SLC66A2: variants seen among roughly 807,000 people sequenced by gnomAD.
SLC66A2 encodes solute carrier family 66 member 2.
In SLC66A2, 23 loss-of-function variants were observed where a neutral mutation model predicts 25.5. That is an observed-to-expected ratio of 0.90 (90% CI 0.65 to 1.28). The LOEUF is 1.28. Ranked by LOEUF, SLC66A2 falls within the 50% of genes most tolerant of loss-of-function variation. The probability of loss-of-function intolerance (pLI) is 0.00; values close to 1 mark genes in which losing one functional copy is unlikely to be tolerated. For synonymous variants in SLC66A2, 193 were observed against 166.5 expected (o/e 1.16, Z -1.23); for missense variants, 396 against 373.1 (o/e 1.06, Z -0.51).
chr18:79,936,613 CCA>C (rs1987113979), intron 3 of SLC66A2, among the ~76,000 whole-genome samples: 1 of 152,102 alleles, frequency 6.6e-6, no homozygotes, highest in African/African-American at 2.4e-5. Context: ...TGACTTTGAG[CCA>C]CAGACAATTA....
chr18:79,950,912 G>T lies in SLC66A2; in HGVS notation c.15C>A (p.Gly5=). 1 of 1,573,904 alleles carries T rather than the reference G, an allele frequency of 6.4e-7. No individual in the cohort carries two copies. Among genetic ancestry groups the T allele is most frequent in the South Asian group, 1.1e-5 (1 of 87,282 alleles). MEAE[G]LDWLLVPLHQ... is the part of the protein sequence containing the mutation. ...GCAGTGGCACCAGGAGCCAGTCCAGGCCCTCGGCCTCCATCGCAGCGCCCG... is the reference window on the plus strand; with the variant it reads ...GCAGTGGCACCAGGAGCCAGTCCAGTCCCTCGGCCTCCATCGCAGCGCCCG... Residue 5 remains glycine (G), a synonymous_variant, in exon 2 of 6, where the codon GGC becomes GGA. Transcript: ENST00000397778.
In SLC66A2 at chr18:79,907,709, C is replaced by T. The variant is rs868812066; in HGVS notation, c.609-3526G>A. 2.6e-4 allele frequency among the ~76,000 whole-genome samples: 39 copies of T among 151,946 alleles called. 1 individual carries two copies. Among genetic ancestry groups the T allele is most frequent in the Middle Eastern group, 3.2e-3 (1 of 316 alleles). ...TCCCAAATGGGAGTGATTATGACCC[C>T]ATCCTCACACCCCTGCCCAAGGAAA... On this transcript the variant is annotated intron_variant, in intron 5 of 5. Transcript: ENST00000397778.
In SLC66A2 at chr18:79,904,961, C is replaced by G. The variant is rs1387372090; in HGVS notation, c.609-778G>C. Among the ~76,000 whole-genome samples the G allele has an allele frequency of 4.6e-5, 7 of 152,198 alleles. No homozygotes were observed. Among genetic ancestry groups the G allele is most frequent in the Admixed American group, 1.3e-4 (2 of 15,282 alleles). ...CAGAAAGGACAGGACACAGCCCTCC[C>G]CCACCCTGGGGCGTCCGTCCCGCTC... On this transcript the variant is annotated intron_variant, in intron 5 of 5. Coordinates refer to ENST00000397778, the MANE Select transcript of SLC66A2 (RefSeq NM_025078.5). This position sits in a 1 kb window ranked among gnomAD's most constrained non-coding sequence, Gnocchi z 6.3.
rs1984480507 is a variant in SLC66A2 at position 79,918,285 on chromosome 18, C to G, written c.608+899G>C. ...AGGCTGTTTCCCACAAATAACAAATCCAAGAATAACATTCCCTCCAAATCA... is the reference window on the plus strand; with the variant it reads ...AGGCTGTTTCCCACAAATAACAAATGCAAGAATAACATTCCCTCCAAATCA... On this transcript the variant is annotated intron_variant, in intron 5 of 5. Transcript: ENST00000397778. This position sits in a 1 kb window ranked among gnomAD's most constrained non-coding sequence, Gnocchi z 4.0. Among the ~76,000 whole-genome samples the G allele has an allele frequency of 6.6e-6, 1 of 152,228 alleles. No homozygotes were observed. The highest frequency in any genetic ancestry group is 1.5e-5 in the Non-Finnish European group (1 of 68,038).
chr18:79,908,512 T>C (rs940700316), intron 5 of SLC66A2, among the ~76,000 whole-genome samples: 2 of 152,218 alleles, frequency 1.3e-5, no homozygotes, highest in Non-Finnish European at 2.9e-5. Flanking sequence ...TGTGATGTGA[T>C]ATGTTTGGGA....
rs1162250831 is a variant in SLC66A2, at chr18:79,918,288, AG to A, written c.608+895del. 1.3e-5 allele frequency among the ~76,000 whole-genome samples: 2 copies of A among 152,212 alleles called. No homozygotes were observed. Among genetic ancestry groups the A allele is most frequent in the African/African-American group, 4.8e-5 (2 of 41,450 alleles). On this transcript the variant is annotated intron_variant, in intron 5 of 5. Coordinates refer to ENST00000397778, the MANE Select transcript of SLC66A2 (RefSeq NM_025078.5). This position sits in a 1 kb window ranked among gnomAD's most constrained non-coding sequence, Gnocchi z 4.0. ...CTGTTTCCCACAAATAACAAATCCA[AG>A]AATAACATTCCCTCCAAATCACAGC... is the stretch of plus-strand genomic sequence containing the variant.
chr18:79,914,403 G>T (rs1191081845), intron 5 of SLC66A2, among the ~76,000 whole-genome samples: 1 of 152,216 alleles, frequency 6.6e-6, no homozygotes, highest in Non-Finnish European at 1.5e-5. Flanking sequence ...CCATCAGGCA[G>T]ATCGGAGCAC....
At position 79,927,630 on chromosome 18, in the gene SLC66A2, C is replaced by T. The variant is rs1197414507; in HGVS notation, c.391+6339G>A. ...CCAGAGGACGACGCAGAGAGACCCA[C>T]ATCAGAGACCCTCGGGGAGTGACAG... On this transcript the variant is annotated intron_variant, in intron 4 of 5. Coordinates refer to ENST00000397778, the MANE Select transcript of SLC66A2 (RefSeq NM_025078.5). The surrounding 1 kb of genome is among the most constrained non-coding windows in gnomAD (Gnocchi z 6.2). 6.6e-6 allele frequency among the ~76,000 whole-genome samples: 1 copy of T among 152,130 alleles called. No homozygotes were observed. Among genetic ancestry groups the T allele is most frequent in the East Asian group, 1.9e-4 (1 of 5,180 alleles).
chr18:79,943,284 C>G (rs199886223), intron 3 of SLC66A2, 45 bp downstream of exon 3: 7 of 1,598,604 alleles, frequency 4.4e-6, no homozygotes, highest in African/African-American at 1.3e-5. Context: ...GAGTCACCTA[C>G]GCCCTGATTC....
rs1003412306 is a variant in SLC66A2, at chr18:79,917,734, G to A, written c.608+1450C>T. On this transcript the variant is annotated intron_variant, in intron 5 of 5. Transcript: ENST00000397778. This position sits in a 1 kb window ranked among gnomAD's most constrained non-coding sequence, Gnocchi z 6.0. ...CTGTTCCAGCCATGGACACCCTCTC[G>A]GGCCTCCATGCACCCTCGCCCGAGA... Among the ~76,000 whole-genome samples the A allele has an allele frequency of 5.3e-5, 8 of 151,744 alleles. No individual in the cohort carries two copies. The highest frequency in any genetic ancestry group is 2.6e-4 in the Admixed American group (4 of 15,244).
chr18:79,943,217 T>C (rs998170789), intron 3 of SLC66A2, 112 bp downstream of exon 3: 12 of 1,332,496 alleles, frequency 9.0e-6, no homozygotes, highest in Admixed American at 2.3e-5. Context: ...ACAGCACCAC[T>C]TGGTGAAATG....
rs148798984 is a variant in SLC66A2, at chr18:79,910,473, C to A, written c.609-6290G>T. Among the ~76,000 whole-genome samples the A allele has an allele frequency of 8.4e-4, 127 of 151,726 alleles. 2 individuals are homozygous for A. In the East Asian group the frequency reaches 0.021, roughly 26 times the overall value. The stretch of plus-strand genomic sequence containing the variant: ...ACCATAGAGTCCCCAACCTTCCCCA[C>A]CATCTCACAACAGAGTCCCCAACCT... On this transcript the variant is annotated intron_variant, in intron 5 of 5. Coordinates refer to ENST00000397778, the MANE Select transcript of SLC66A2 (RefSeq NM_025078.5).
At position 79,903,645 on chromosome 18, in the gene SLC66A2, G is replaced by A. The variant is rs1003099308; in HGVS notation, c.*331C>T. 5.7e-6 allele frequency: 2 copies of A among 350,866 alleles called. No individual in the cohort carries two copies. Among genetic ancestry groups the A allele is most frequent in the Non-Finnish European group, 5.2e-6 (1 of 192,882 alleles). 21.7% of individuals were successfully genotyped at this position (350,866 alleles called of 1,614,324 possible). ...TGGCCCGTGTGTCCACCTGGAGCAG[G>A]TTCCTGCAGGCCGCCCAATGTGTAC... is the stretch of plus-strand genomic sequence containing the variant. On this transcript the variant is annotated 3_prime_UTR_variant, in exon 6 of 6. Coordinates refer to ENST00000397778, the MANE Select transcript of SLC66A2 (RefSeq NM_025078.5).
At chr18:79,936,389 T>C (rs73971309) in intron 3 of SLC66A2, among the ~76,000 whole-genome samples, 22,470 of 152,214 alleles carry the variant, frequency 0.15, 1,788 homozygotes, top group South Asian at 0.22. Flanking sequence ...TCCAGCTTTC[T>C]TGAATTATAA....
intron 2 of SLC66A2, among the ~76,000 whole-genome samples, chr18:79,950,490 C>T (rs1219868643): frequency 6.6e-6 from 1 of 152,216 alleles, no homozygotes; most frequent in Non-Finnish European, 1.5e-5. Flanking sequence ...TGCAAGGAGG[C>T]GGATCTGGAG....
At chr18:79,909,541 A>G (rs545792193) in intron 5 of SLC66A2, among the ~76,000 whole-genome samples, 22 of 44,068 alleles carry the variant, frequency 5.0e-4, no homozygotes, top group African/African-American at 7.8e-4. Flanking sequence ...AGAGTCCCCA[A>G]CCTTCCCCAC....
At position 79,941,700 on chromosome 18, in the gene SLC66A2, AAC is replaced by A. The variant is rs1427080332; in HGVS notation, c.337+1627_337+1628del. 2.0e-5 allele frequency: 3 copies of A among 152,232 alleles called. No individual in the cohort carries two copies. Among genetic ancestry groups the A allele is most frequent in the Non-Finnish European group, 4.4e-5 (3 of 68,072 alleles). The allele number at this position is 152,232 out of a possible 1,614,324, so 9.4% of individuals were successfully genotyped here. A position where few individuals can be genotyped will look rare whatever the true frequency, so the allele number is the denominator to read the frequency against. On this transcript the variant is annotated intron_variant, in intron 3 of 5. Transcript: ENST00000397778. This position sits in a 1 kb window ranked among gnomAD's most constrained non-coding sequence, Gnocchi z 4.1. ...GCTTCTAGGGGTATCCCAGTGTTCC[AAC>A]ACACACTCACATTAAACCCCACGCT...
chr18:79,923,720 A>G (rs958878059), intron 4 of SLC66A2, among the ~76,000 whole-genome samples: 10 of 152,342 alleles, frequency 6.6e-5, no homozygotes, highest in Admixed American at 2.0e-4. Context: ...ACAGGCAACA[A>G]AAGAAGAATA....
rs1285291029 is a variant in SLC66A2, at chr18:79,917,648, C to A, written c.608+1536G>T. Among the ~76,000 whole-genome samples the A allele has an allele frequency of 6.6e-6, 1 of 152,066 alleles. No homozygotes were observed. Among genetic ancestry groups the A allele is most frequent in the African/African-American group, 2.4e-5 (1 of 41,394 alleles). On this transcript the variant is annotated intron_variant, in intron 5 of 5. Coordinates refer to ENST00000397778, the MANE Select transcript of SLC66A2 (RefSeq NM_025078.5). The surrounding 1 kb of genome is among the most constrained non-coding windows in gnomAD (Gnocchi z 6.0). ...ACTTTCTCTCTGGGAGCATCCCTGC[C>A]TTTTGGGCTCCACACCGAAGCCCTC... is the stretch of plus-strand genomic sequence containing the variant.
Sources: allele counts gnomAD v4.1 joint callset (sites outside exome capture counted in the v4.1 genomes callset), GRCh38; gene constraint gnomAD v4.1.1; non-coding constraint Gnocchi (gnomAD v3.1); transcripts MANE v1.5; gene names NCBI Gene and HGNC (gene_info 2026-07-23, HGNC 2026-07-21).